SPIDR: variants seen among roughly 807,000 people sequenced by gnomAD.
The protein encoded by SPIDR is scaffold protein involved in DNA repair.
Under a neutral mutation model 104.6 loss-of-function variants are expected in SPIDR, and 93 were observed. The observed-to-expected ratio is 0.89, with a 90% CI of 0.75 to 1.06. The LOEUF (loss-of-function observed/expected upper bound fraction) is 1.06. SPIDR is among the 50% of genes least tolerant of loss of function. SPIDR has a pLI of 0.00. For missense variants in SPIDR, 1,154 were observed against 1,111.2 expected, an observed-to-expected ratio of 1.04 and a Z score of -0.55; for synonymous variants, 431 against 416.9, an observed-to-expected ratio of 1.03 and a Z score of -0.41.
rs1457869852 is a variant in SPIDR, at chr8:47,369,466, C to CT, written c.526-26908dup. On this transcript the variant is annotated intron_variant, in intron 5 of 19. Transcript: ENST00000297423. ...TTCTCCCTCTTGACTTCCTCTTCAT[C>CT]TTAGAAACTGCAATTTCCTTTGTAG... Among the ~76,000 whole-genome samples the CT allele has an allele frequency of 3.3e-5, 5 of 152,334 alleles. No individual in the cohort carries two copies. In the East Asian group the frequency reaches 9.6e-4, roughly 29 times the overall value.
At chr8:47,425,058 T>C (rs937674240) in intron 7 of SPIDR, among the ~76,000 whole-genome samples, 10 of 152,242 alleles carry the variant, frequency 6.6e-5, no homozygotes, top group African/African-American at 9.6e-5. Flanking sequence ...ATGATTCTTA[T>C]TTAAATTGTA....
chr8:47,421,398 G>T (rs1390272847), intron 7 of SPIDR, among the ~76,000 whole-genome samples: 1 of 152,092 alleles, frequency 6.6e-6, no homozygotes, highest in Non-Finnish European at 1.5e-5. Context: ...CCAGTTGATT[G>T]AATTGGCCAC....
chr8:47,603,475 C>T (rs1322620650), intron 10 of SPIDR, among the ~76,000 whole-genome samples: 2 of 151,946 alleles, frequency 1.3e-5, no homozygotes, highest in Non-Finnish European at 2.9e-5. Flanking sequence ...CTTACTGCAG[C>T]CTCAACCTCC....
intron 5 of SPIDR, among the ~76,000 whole-genome samples, chr8:47,371,819 A>G (rs2058068865): frequency 6.6e-6 from 1 of 152,226 alleles, no homozygotes; most frequent in South Asian, 2.1e-4. Context: ...AGATTCCACC[A>G]GGTAAGACAG....
intron 5 of SPIDR, among the ~76,000 whole-genome samples, chr8:47,317,484 T>C (rs764854153): frequency 6.6e-5 from 10 of 152,020 alleles, no homozygotes; most frequent in Admixed American, 1.3e-4. Context: ...CCCACCACAG[T>C]TCAAGGAGGC....
At chr8:47,616,145 ATTTG>A (rs2064285192) in intron 10 of SPIDR, among the ~76,000 whole-genome samples, 2 of 152,048 alleles carry the variant, frequency 1.3e-5, no homozygotes, top group African/African-American at 4.8e-5. Flanking sequence ...TTCCTTTCCA[ATTTG>A]TTTTTTATTT....
chr8:47,472,237 T>A (rs2075806111), intron 8 of SPIDR, among the ~76,000 whole-genome samples: 1 of 152,220 alleles, frequency 6.6e-6, no homozygotes, highest in Admixed American at 6.5e-5. Context: ...TCTGCTGCTC[T>A]GGGGCTAACC....
intron 10 of SPIDR, among the ~76,000 whole-genome samples, chr8:47,619,671 T>C (rs993502899): frequency 1.3e-5 from 2 of 151,720 alleles, no homozygotes; most frequent in African/African-American, 4.8e-5. Context: ...GGCCCAGTCA[T>C]GGCTCACTGC....
At chr8:47,434,512 A>C (rs189685188) in intron 7 of SPIDR, among the ~76,000 whole-genome samples, 210 of 152,300 alleles carry the variant, frequency 1.4e-3, no homozygotes, top group Non-Finnish European at 2.4e-3. Context: ...GTAGGAGGAA[A>C]ATTCCAAATT....
At chr8:47,634,673 C>T (rs1316920775) in intron 10 of SPIDR, among the ~76,000 whole-genome samples, 5 of 152,156 alleles carry the variant, frequency 3.3e-5, no homozygotes, top group Non-Finnish European at 5.9e-5. Context: ...TGGTCCAGGC[C>T]TGGCTGTGGT....
At chr8:47,380,848 C>T (rs1413305398) in intron 5 of SPIDR, among the ~76,000 whole-genome samples, 1 of 152,134 alleles carries the variant, frequency 6.6e-6, no homozygotes, top group Non-Finnish European at 1.5e-5. Context: ...CACTAGCTGG[C>T]TGATTTTCAC....
intron 5 of SPIDR, among the ~76,000 whole-genome samples, chr8:47,296,192 A>G (rs965032423): frequency 2.6e-5 from 4 of 152,100 alleles, no homozygotes; most frequent in Non-Finnish European, 4.4e-5. Flanking sequence ...TCAGATATGT[A>G]GTTTGTAGAT....
intron 16 of SPIDR, among the ~76,000 whole-genome samples, chr8:47,716,118 C>T (rs1027521817): frequency 6.6e-6 from 1 of 152,084 alleles, no homozygotes; most frequent in Non-Finnish European, 1.5e-5. Context: ...GCATGCACCA[C>T]CACACCTGGC....
intron 2 of SPIDR, among the ~76,000 whole-genome samples, chr8:47,282,862 CTT>C (rs1262572122): frequency 6.9e-6 from 1 of 145,688 alleles, no homozygotes; most frequent in Admixed American, 6.9e-5. Flanking sequence ...TTTTCTTTTT[CTT>C]TTTTTTTTTG....
At chr8:47,328,391 T>G (rs1401313816) in intron 5 of SPIDR, among the ~76,000 whole-genome samples, 1 of 151,724 alleles carries the variant, frequency 6.6e-6, no homozygotes, top group Non-Finnish European at 1.5e-5. Context: ...CTCAAATAGC[T>G]AAGACTTCAC....
intron 8 of SPIDR, among the ~76,000 whole-genome samples, chr8:47,587,050 G>A (rs781469840): frequency 8.5e-5 from 13 of 152,184 alleles, no homozygotes; most frequent in Non-Finnish European, 1.8e-4. Context: ...GATTACAGAC[G>A]TGAGCCACTG....
At chr8:47,261,865 T>C (rs1300097152) in intron 1 of SPIDR, among the ~76,000 whole-genome samples, 1 of 152,196 alleles carries the variant, frequency 6.6e-6, no homozygotes. Flanking sequence ...GATTATAAGA[T>C]ACAGTCTGAT....
chr8:47,531,986 A>G (rs2086090268), intron 8 of SPIDR, among the ~76,000 whole-genome samples: 1 of 152,164 alleles, frequency 6.6e-6, no homozygotes. Context: ...AATAGTAGAT[A>G]TCAGTCCTGC....
chr8:47,639,444 A>C (rs950991641), intron 10 of SPIDR, among the ~76,000 whole-genome samples: 1 of 152,246 alleles, frequency 6.6e-6, no homozygotes, highest in Non-Finnish European at 1.5e-5. Context: ...TTCTGGACAA[A>C]AGTGGACACA....
Sources: gnomAD v4.1 joint callset for allele counts (sites outside exome capture counted in the v4.1 genomes callset) on GRCh38, gnomAD v4.1.1 for gene constraint, MANE v1.5 for transcripts, NCBI Gene and HGNC (gene_info 2026-07-23, HGNC 2026-07-21) for gene names.